GALNT10: variants seen among roughly 807,000 people sequenced by gnomAD.
The protein encoded by GALNT10 is GalNAc transferase 10.
Under a neutral mutation model 75.0 loss-of-function variants are expected in GALNT10, and 41 were observed. That is an observed-to-expected ratio of 0.55 (90% CI 0.43 to 0.71). The LOEUF is 0.71. GALNT10 is among the 30% of genes least tolerant of loss of function. The pLI, the probability that GALNT10 is intolerant of heterozygous loss-of-function variation, is 0.00. For missense variants in GALNT10, 727 were observed against 818.5 expected (o/e 0.89, Z 1.36); for synonymous variants, 302 against 313.0 (o/e 0.96, Z 0.37).
intron 1 of GALNT10, among the ~76,000 whole-genome samples, chr5:154,240,684 G>C (rs139388385): frequency 3.9e-5 from 6 of 152,328 alleles, no homozygotes; most frequent in African/African-American, 1.4e-4. Flanking sequence ...AATCATGCAA[G>C]TGTAGCTGAA....
chr5:154,347,147 G>A (rs367837365), intron 4 of GALNT10: 13 of 514,282 alleles, frequency 2.5e-5, no homozygotes, highest in Admixed American at 1.0e-4. Flanking sequence ...TGATCTCACC[G>A]AGTCCTGTGA....
chr5:154,380,063 C>G (rs1040420804), intron 5 of GALNT10, among the ~76,000 whole-genome samples: 4 of 152,092 alleles, frequency 2.6e-5, no homozygotes, highest in Non-Finnish European at 5.9e-5. Flanking sequence ...AGGGGCCTTC[C>G]CAGAAGGAAA....
At chr5:154,202,768 G>A (rs774940004) in intron 1 of GALNT10, among the ~76,000 whole-genome samples, 6 of 152,300 alleles carry the variant, frequency 3.9e-5, no homozygotes, top group African/African-American at 1.4e-4. Context: ...CCCCTCCCTC[G>A]GGGCGGTTGT....
At chr5:154,282,433 G>A (rs1231924483) in intron 1 of GALNT10, among the ~76,000 whole-genome samples, 1 of 152,184 alleles carries the variant, frequency 6.6e-6, no homozygotes, top group African/African-American at 2.4e-5. Flanking sequence ...AGGATGTCAG[G>A]AAAATATCAT....
chr5:154,337,865 A>G (rs1754968353), intron 4 of GALNT10: 1 of 1,102,930 alleles, frequency 9.1e-7, no homozygotes, highest in Admixed American at 1.7e-5. Context: ...TGGATGAAAC[A>G]CTAGGTATCT....
At chr5:154,258,216 AG>A (rs1000601408) in intron 1 of GALNT10, among the ~76,000 whole-genome samples, 17 of 152,154 alleles carry the variant, frequency 1.1e-4, no homozygotes, top group Non-Finnish European at 1.2e-4. Flanking sequence ...TATGTCCATG[AG>A]CCTTTAGAGA....
At chr5:154,212,391 A>G (rs574239748) in intron 1 of GALNT10, among the ~76,000 whole-genome samples, 1 of 152,372 alleles carries the variant, frequency 6.6e-6, no homozygotes, top group African/African-American at 2.4e-5. Flanking sequence ...ACTGCCTTGT[A>G]GCACATCTAT....
intron 1 of GALNT10, among the ~76,000 whole-genome samples, chr5:154,205,444 C>A (rs1166340012): frequency 1.3e-5 from 2 of 152,148 alleles, no homozygotes; most frequent in Admixed American, 6.5e-5. Context: ...AGGAGCATCC[C>A]TGCAGTCTAG....
chr5:154,414,598 A>C (rs1159970252), intron 10 of GALNT10, among the ~76,000 whole-genome samples: 1 of 152,118 alleles, frequency 6.6e-6, no homozygotes, highest in Non-Finnish European at 1.5e-5. Context: ...TGGGGACAGG[A>C]GGAGGAGATT....
intron 4 of GALNT10, among the ~76,000 whole-genome samples, chr5:154,335,679 C>G (rs921630391): frequency 2.0e-5 from 3 of 152,088 alleles, no homozygotes; most frequent in Admixed American, 1.3e-4. Flanking sequence ...AGGTTCCCAA[C>G]AAAACTAAGT....
At chr5:154,271,812 G>T (rs1030371331) in intron 1 of GALNT10, among the ~76,000 whole-genome samples, 3 of 152,188 alleles carry the variant, frequency 2.0e-5, no homozygotes, top group African/African-American at 7.2e-5. Flanking sequence ...CCAATAGAGT[G>T]TTTCTTAGAA....
intron 7 of GALNT10, among the ~76,000 whole-genome samples, chr5:154,393,490 C>T (rs1254938125): frequency 5.3e-5 from 8 of 152,100 alleles, no homozygotes; most frequent in African/African-American, 1.4e-4. Context: ...TCTGCAACAT[C>T]GAACTTGTTC....
In GALNT10 at chr5:154,412,970, C is replaced by G; in HGVS notation, c.1468C>G (p.Arg490Gly). 6.2e-7 allele frequency: 1 copy of G among 1,612,964 alleles called. No individual in the cohort carries two copies. Among genetic ancestry groups the G allele is most frequent in the Non-Finnish European group, 8.5e-7 (1 of 1,179,342 alleles). Residue 490 changes from arginine to glycine, a missense_variant, in exon 10 of 12, where the codon CGA becomes GGA. Arg to Gly is a moderately radical substitution (Grantham distance 125). Transcript: ENST00000297107. The surrounding 1 kb of genome is among the most constrained non-coding windows in gnomAD (Gnocchi z 4.2). ...GSPLRLEGCV[R>G]GRGEAAWNNM... ...CCCACTAAGGCTAGAGGGCTGCGTC[C>G]GAGGCCGTGGGGAGGCTGCCTGGAA...
intron 1 of GALNT10, among the ~76,000 whole-genome samples, chr5:154,258,365 C>T (rs143653505): frequency 8.9e-4 from 136 of 152,226 alleles, no homozygotes; most frequent in African/African-American, 1.6e-3. Context: ...TGGGCATTGC[C>T]GGGGAAACCA....
chr5:154,222,435 A>C (rs1255527718), intron 1 of GALNT10, among the ~76,000 whole-genome samples: 1 of 152,162 alleles, frequency 6.6e-6, no homozygotes, highest in East Asian at 1.9e-4. Flanking sequence ...ACATTTGTAT[A>C]CAAGTCTTTG....
At chr5:154,368,378 G>A (rs1358453659) in intron 4 of GALNT10, among the ~76,000 whole-genome samples, 1 of 152,086 alleles carries the variant, frequency 6.6e-6, no homozygotes. Flanking sequence ...AGAAATGGCT[G>A]GTTGATATTG....
At chr5:154,349,559 T>C (rs1273825602) in intron 4 of GALNT10, 1 of 151,998 alleles carries the variant, frequency 6.6e-6, no homozygotes, top group African/African-American at 2.4e-5. Context: ...TTGGCATCAA[T>C]AAGGTGACCT....
At chr5:154,220,244 C>T (rs1219316505) in intron 1 of GALNT10, 2 of 152,164 alleles carry the variant, frequency 1.3e-5, no homozygotes, top group South Asian at 4.1e-4. Flanking sequence ...GATGTTGAGA[C>T]TAAAACTGAC....
intron 1 of GALNT10, among the ~76,000 whole-genome samples, chr5:154,239,596 T>G (rs1037847842): frequency 6.6e-6 from 1 of 152,140 alleles, no homozygotes; most frequent in Admixed American, 6.5e-5. Context: ...AAAAATTGTC[T>G]TCCACAAAAC....
Sources: gnomAD v4.1 joint callset for allele counts (sites outside exome capture counted in the v4.1 genomes callset) on GRCh38, gnomAD v4.1.1 for gene constraint, Gnocchi (gnomAD v3.1) non-coding constraint, MANE v1.5 for transcripts, NCBI Gene and HGNC (gene_info 2026-07-23, HGNC 2026-07-21) for gene names.